The following RBM14 variants were observed in gnomAD, a reference collection of about 807,000 sequenced individuals.
The protein encoded by RBM14 is RNA-binding protein 14.
Under a neutral mutation model 52.8 loss-of-function variants are expected in RBM14, and 5 were observed. The observed-to-expected ratio is 0.09, with a 90% CI of 0.05 to 0.20. The LOEUF is 0.20. Among genes scored for constraint, RBM14 ranks in the 10% least tolerant of loss-of-function variants. The probability of loss-of-function intolerance (pLI) is 1.00; values close to 1 mark genes in which losing one functional copy is unlikely to be tolerated. For missense variants in RBM14, 780 were observed against 926.6 expected (o/e 0.84, Z 2.05); for synonymous variants, 411 against 401.8 (o/e 1.02, Z -0.28).
Position 66,628,362 on chromosome 11 carries a change from C to T in RBM14, c.*1694C>T, listed in dbSNP as rs2135030520. Among the ~76,000 whole-genome samples, 1 of 152,250 alleles carries T rather than the reference C, an allele frequency of 6.6e-6. No homozygotes were observed. The highest frequency in any genetic ancestry group is 2.1e-4 in the South Asian group (1 of 4,820). Reference sequence around the variant, plus strand: ...CGACTGGGGAGGTGTACGTGTTAGTCAAGTGGAGGTCAGGTGGGTTATCTT... The same window carrying T: ...CGACTGGGGAGGTGTACGTGTTAGTTAAGTGGAGGTCAGGTGGGTTATCTT... On this transcript the variant is annotated 3_prime_UTR_variant, in exon 3 of 3. Coordinates refer to ENST00000310137, the MANE Select transcript of RBM14 (RefSeq NM_006328.4).
At position 66,626,732 on chromosome 11, in the gene RBM14, C is replaced by A. The variant is rs1937834231; in HGVS notation, c.*64C>A. The A allele has an allele frequency of 1.4e-6, 2 of 1,441,746 alleles. No individual in the cohort carries two copies. Among genetic ancestry groups the A allele is most frequent in the East Asian group, 2.5e-5 (1 of 40,754 alleles). 89.3% of individuals were successfully genotyped at this position (1,441,746 alleles called of 1,614,324 possible). ...AAAAGAGGTGGGTAGGGTTACAGAT[C>A]CAGGTTATAACTACTCTGGCCCATA... On this transcript the variant is annotated 3_prime_UTR_variant, in exon 3 of 3. Transcript: ENST00000310137.
rs373641592 is a variant in RBM14 at position 66,620,491 on chromosome 11, A to G, written c.337+3434A>G. ...TAATTTTTGAATTTTTAGTAGAGAC[A>G]GGGTTTCACTATGTTGGCCAGGCTG... On this transcript the variant is annotated intron_variant, in intron 1 of 2. Coordinates refer to ENST00000310137, the MANE Select transcript of RBM14 (RefSeq NM_006328.4). Among the ~76,000 whole-genome samples the G allele has an allele frequency of 1.8e-4, 28 of 152,074 alleles. No homozygotes were observed. The East Asian group carries it at 4.6e-3, about 25-fold the overall frequency.
rs1196752072 is a variant in RBM14 at position 66,621,382 on chromosome 11, C to CT, written c.338-2820dup. Among the ~76,000 whole-genome samples, 465 of 145,388 alleles carry CT rather than the reference C, an allele frequency of 3.2e-3. 2 individuals are homozygous for CT. The highest frequency in any genetic ancestry group is 8.1e-3 in the African/African-American group (324 of 39,920). Reference sequence around the variant, plus strand: ...CAGAGTTGTGATAATTCATTTTGTTCTTTTTTTTTTTTGAGAGGGAGTTTC... The same window carrying CT: ...CAGAGTTGTGATAATTCATTTTGTTCTTTTTTTTTTTTTGAGAGGGAGTTTC... On this transcript the variant is annotated intron_variant, in intron 1 of 2. Coordinates refer to ENST00000310137, the MANE Select transcript of RBM14 (RefSeq NM_006328.4).
Position 66,626,544 on chromosome 11 carries a change from CAA to C in RBM14, c.1888_1889del (p.Lys630ValfsTer23). ...CAGCTTTCGTTCCGCCGCTCGCCGACAAAGTCCTCGCTGGATTACCGTCGCCT... is the reference window on the plus strand; with the variant it reads ...CAGCTTTCGTTCCGCCGCTCGCCGACAGTCCTCGCTGGATTACCGTCGCCT... On this transcript the variant is annotated frameshift_variant, in exon 3 of 3. Coordinates refer to ENST00000310137, the MANE Select transcript of RBM14 (RefSeq NM_006328.4). LOFTEE classifies it high-confidence loss of function. The C allele has an allele frequency of 6.2e-7, 1 of 1,614,040 alleles. No homozygotes were observed. Among genetic ancestry groups the C allele is most frequent in the Non-Finnish European group, 8.5e-7 (1 of 1,180,026 alleles).
Position 66,625,344 on chromosome 11 carries a change from T to C in RBM14, c.1468T>C (p.Ser490Pro). Reference protein sequence around the residue: ...MGLSGSYGAQSAAAATGSYGA... With the variant: ...MGLSGSYGAQPAAAATGSYGA... The stretch of plus-strand genomic sequence containing the variant: ...CCTTTCAGGCTCCTATGGGGCTCAG[T>C]CGGCTGCTGCGGCCACTGGCTCCTA... The change falls in exon 2 of 3, where the codon TCG (serine) becomes CCG (proline). Residue 490 changes from serine to proline, a missense_variant. By Grantham distance (74) the Ser-to-Pro change is moderately conservative (BLOSUM62 -1). Around this residue, in one of 4 missense-constraint regions of RBM14, gnomAD observed 675 missense variants for 697.3 expected, o/e 0.97. Coordinates refer to ENST00000310137, the MANE Select transcript of RBM14 (RefSeq NM_006328.4). This position sits in a 1 kb window ranked among gnomAD's most constrained non-coding sequence, Gnocchi z 4.2. 2 of 1,607,396 alleles carry C rather than the reference T, an allele frequency of 1.2e-6. No individual in the cohort carries two copies. Among genetic ancestry groups the C allele is most frequent in the Non-Finnish European group, 1.7e-6 (2 of 1,177,930 alleles).
chr11:66,616,804 C>G lies in RBM14; in HGVS notation c.84C>G (p.Val28=). 1 of 1,612,698 alleles carries G rather than the reference C, an allele frequency of 6.2e-7. No homozygotes were observed. The highest frequency in any genetic ancestry group is 8.5e-7 in the Non-Finnish European group (1 of 1,179,702). The change falls in exon 1 of 3, where the codon GTC becomes GTG. Residue 28 remains valine (V), a synonymous_variant. Coordinates refer to ENST00000310137, the MANE Select transcript of RBM14 (RefSeq NM_006328.4). The stretch of plus-strand genomic sequence containing the variant: ...CCCTCTTTGCGCCCTACGGCACGGT[C>G]ATGAGCTGCGCCGTCATGAAACAGT... ...LAALFAPYGT[V]MSCAVMKQFA...
intron 1 of RBM14, chr11:66,618,503 A>G (rs975279676): frequency 7.0e-6 from 5 of 717,336 alleles, no homozygotes; most frequent in Admixed American, 2.0e-5. Flanking sequence ...CAGGTTATAC[A>G]AGTCCACGAC....
Position 66,624,467 on chromosome 11 carries a change from C to T in RBM14, c.591C>T (p.Gly197=), listed in dbSNP as rs371817901. 5.6e-6 allele frequency: 9 copies of T among 1,613,736 alleles called. No individual in the cohort carries two copies. The highest frequency in any genetic ancestry group is 1.1e-5 in the South Asian group (1 of 91,078). ...YQQAFGNSTG[G]FDGQARQPTP... is the part of the protein sequence containing the mutation. ...AGGCTTTTGGCAACAGCACTGGTGG[C>T]TTTGATGGGCAAGCCCGTCAGCCCA... The change falls in exon 2 of 3, where the codon GGC becomes GGT. Residue 197 remains glycine (G), a synonymous_variant. Coordinates refer to ENST00000310137, the MANE Select transcript of RBM14 (RefSeq NM_006328.4). The surrounding 1 kb of genome is among the most constrained non-coding windows in gnomAD (Gnocchi z 4.7).
rs1421448869 is a variant in RBM14, at chr11:66,616,827, A to T, written c.107A>T (p.Gln36Leu). 6.2e-7 allele frequency: 1 copy of T among 1,612,682 alleles called. No individual in the cohort carries two copies. The highest frequency in any genetic ancestry group is 8.5e-7 in the Non-Finnish European group (1 of 1,179,758). Residue 36 changes from glutamine (Q) to leucine (L), a missense_variant, in exon 1 of 3, where the codon CAG becomes CTG. By Grantham distance (113) the Gln-to-Leu change is moderately radical. Coordinates refer to ENST00000310137, the MANE Select transcript of RBM14 (RefSeq NM_006328.4). ...GTVMSCAVMK[Q>L]FAFVHMRENA... ...GTCATGAGCTGCGCCGTCATGAAAC[A>T]GTTCGCCTTCGTGCACATGCGCGAG...
At chr11:66,622,524 T>TA (rs1565070080) in intron 1 of RBM14, among the ~76,000 whole-genome samples, 1 of 152,228 alleles carries the variant, frequency 6.6e-6, no homozygotes, top group Non-Finnish European at 1.5e-5. Context: ...TGTACCTGCC[T>TA]AAATGGTAAG....
chr11:66,624,048 T>G lies in RBM14; in HGVS notation c.338-166T>G. On this transcript the variant is annotated intron_variant, in intron 1 of 2. Coordinates refer to ENST00000310137, the MANE Select transcript of RBM14 (RefSeq NM_006328.4). This position sits in a 1 kb window ranked among gnomAD's most constrained non-coding sequence, Gnocchi z 4.7. The stretch of plus-strand genomic sequence containing the variant: ...TGACTGCTTGGGACAGTCAGAAGCT[T>G]TGTTATATGGGAGCTACATTTTATG... 1 of 1,170,990 alleles carries G rather than the reference T, an allele frequency of 8.5e-7. No individual in the cohort carries two copies. Among genetic ancestry groups the G allele is most frequent in the Non-Finnish European group, 1.2e-6 (1 of 800,708 alleles). The allele number at this position is 1,170,990 out of a possible 1,614,324, so 72.5% of individuals were successfully genotyped here.
Position 66,626,847 on chromosome 11 carries a change from G to A in RBM14, c.*179G>A, listed in dbSNP as rs1341405038. 4.7e-6 allele frequency: 3 copies of A among 632,366 alleles called. No homozygotes were observed. Among genetic ancestry groups the A allele is most frequent in the South Asian group, 2.2e-5 (1 of 45,350 alleles). 39.2% of individuals were successfully genotyped at this position (632,366 alleles called of 1,614,324 possible). ...TAAGTGTTCGGCAGTAACCTACTTT[G>A]TTCCTTCGCCTCAGCAGCAAATCTT... On this transcript the variant is annotated 3_prime_UTR_variant, in exon 3 of 3. Transcript: ENST00000310137.
chr11:66,623,604 C>A (rs1859221411), intron 1 of RBM14, among the ~76,000 whole-genome samples: 1 of 152,152 alleles, frequency 6.6e-6, no homozygotes, highest in Non-Finnish European at 1.5e-5. Flanking sequence ...CAAATGAGGT[C>A]CTCCTGTACC....
intron 1 of RBM14, chr11:66,617,503 C>G: frequency 4.0e-6 from 4 of 1,001,166 alleles, no homozygotes; most frequent in Non-Finnish European, 2.4e-6. Context: ...GGCTGACGCC[C>G]CAAGGCCGCC....
chr11:66,624,385 C>T lies in RBM14; in HGVS notation c.509C>T (p.Ala170Val). ...QSGDKTKKPG[A>V]GDTAFPGTGG... ...GGGGACAAGACCAAGAAACCAGGGG[C>T]TGGGGATACGGCCTTCCCTGGAACT... is the stretch of plus-strand genomic sequence containing the variant. Residue 170 changes from alanine (A) to valine (V), a missense_variant, in exon 2 of 3, where the codon GCT (alanine) becomes GTT (valine). Physicochemically the swap from Ala to Val is moderately conservative, Grantham distance 64. Coordinates refer to ENST00000310137, the MANE Select transcript of RBM14 (RefSeq NM_006328.4). The surrounding 1 kb of genome is among the most constrained non-coding windows in gnomAD (Gnocchi z 4.7). The T allele has an allele frequency of 6.2e-7, 1 of 1,614,160 alleles. No homozygotes were observed. Among genetic ancestry groups the T allele is most frequent in the South Asian group, 1.1e-5 (1 of 91,086 alleles).
intron 1 of RBM14, among the ~76,000 whole-genome samples, chr11:66,623,361 T>C (rs1859206523): frequency 6.6e-6 from 1 of 152,344 alleles, no homozygotes; most frequent in African/African-American, 2.4e-5. Context: ...AGGGTCCATC[T>C]TCTCTGCTTC....
At chr11:66,623,283 A>AC (rs1172899211) in intron 1 of RBM14, among the ~76,000 whole-genome samples, 1 of 152,188 alleles carries the variant, frequency 6.6e-6, no homozygotes. Flanking sequence ...GTGGTCTGGG[A>AC]CAGGGGGATT....
chr11:66,624,257 C>G lies in RBM14; in HGVS notation c.381C>G (p.Ala127=). ...TGGAGAAGGAAGCAGATGCCAAAGC[C>G]GCAATCGCGCAGCTCAACGGCAAAG... The part of the protein sequence containing the change: ...VHMEKEADAK[A]AIAQLNGKEV... Residue 127 remains alanine (A), a synonymous_variant, in exon 2 of 3, where the codon GCC becomes GCG. Coordinates refer to ENST00000310137, the MANE Select transcript of RBM14 (RefSeq NM_006328.4). The surrounding 1 kb of genome is among the most constrained non-coding windows in gnomAD (Gnocchi z 4.7). 8.7e-6 allele frequency: 14 copies of G among 1,603,706 alleles called. No homozygotes were observed. The highest frequency in any genetic ancestry group is 1.2e-5 in the Non-Finnish European group (14 of 1,173,394).
intron 1 of RBM14, among the ~76,000 whole-genome samples, chr11:66,623,536 A>G (rs1047105983): frequency 2.6e-5 from 4 of 152,206 alleles, no homozygotes; most frequent in African/African-American, 9.7e-5. Context: ...ATGTATGTCC[A>G]CCTGTTAAAT....
Sources: gnomAD v4.1 joint callset for allele counts (sites outside exome capture counted in the v4.1 genomes callset) on GRCh38, gnomAD v4.1.1 for gene constraint, gnomAD v4.1.1 regional missense constraint, Gnocchi (gnomAD v3.1) non-coding constraint, MANE v1.5 for transcripts, NCBI Gene and HGNC (gene_info 2026-07-23, HGNC 2026-07-21) for gene names.